Variants in ANK3 observed in about 807,000 individuals in gnomAD.
The protein encoded by ANK3 is ankyrin 3.
ANK3 carries 57 observed loss-of-function variants against 370.9 expected under a neutral mutation model. The observed-to-expected ratio is 0.15, with a 90% CI of 0.12 to 0.19. The LOEUF (loss-of-function observed/expected upper bound fraction) is 0.19, where lower values mean the gene tolerates loss of function less well. Ranked by LOEUF, ANK3 falls within the 10% of genes least tolerant of loss-of-function variation. ANK3 has a pLI of 1.00. For missense variants in ANK3, 4,439 were observed against 5,302.1 expected (o/e 0.84, Z 5.06); for synonymous variants, 1,929 against 1,946.3 (o/e 0.99, Z 0.23).
chr10:60,677,687 G>C (rs1044336737), intron 1 of ANK3, among the ~76,000 whole-genome samples: 2 of 150,336 alleles, frequency 1.3e-5, no homozygotes, highest in Non-Finnish European at 1.5e-5. Context: ...TTTCATTGAA[G>C]CATTAAGTTT....
intron 43 of ANK3, among the ~76,000 whole-genome samples, chr10:60,034,152 G>A (rs1254963567): frequency 8.1e-6 from 1 of 123,406 alleles, no homozygotes; most frequent in Non-Finnish European, 1.6e-5. Context: ...TGTCGCCCAT[G>A]CTGGAATGCA....
At chr10:60,053,376 C>T (rs1349373774) in intron 42 of ANK3, among the ~76,000 whole-genome samples, 2 of 152,124 alleles carry the variant, frequency 1.3e-5, no homozygotes, top group African/African-American at 2.4e-5. Context: ...TATGTTAAAG[C>T]AAACACAAAC....
chr10:60,532,526 C>T (rs1484319088), intron 2 of ANK3, among the ~76,000 whole-genome samples: 2 of 152,132 alleles, frequency 1.3e-5, no homozygotes, highest in African/African-American at 2.4e-5. Flanking sequence ...TGCATTCCAA[C>T]ATGATACACT....
chr10:60,114,600 A>G (rs2092954100), intron 25 of ANK3, among the ~76,000 whole-genome samples: 1 of 152,228 alleles, frequency 6.6e-6, no homozygotes, highest in African/African-American at 2.4e-5. Flanking sequence ...ACTAACTCCA[A>G]CTATGATTTT....
At chr10:60,682,568 G>A (rs1347269148) in intron 1 of ANK3, among the ~76,000 whole-genome samples, 19 of 152,076 alleles carry the variant, frequency 1.2e-4, no homozygotes, top group Admixed American at 1.2e-3. Context: ...ACTGCCCCAA[G>A]GAAGGACTCC....
At chr10:60,526,781 G>A (rs1280857908) in intron 2 of ANK3, among the ~76,000 whole-genome samples, 2 of 152,114 alleles carry the variant, frequency 1.3e-5, no homozygotes, top group African/African-American at 4.8e-5. Flanking sequence ...AGGTTGATAA[G>A]AGCCCAGGCT....
intron 1 of ANK3, among the ~76,000 whole-genome samples, chr10:60,685,364 C>T (rs2079254023): frequency 6.6e-6 from 1 of 151,652 alleles, no homozygotes; most frequent in Non-Finnish European, 1.5e-5. Context: ...AGAAATTTGA[C>T]CTGAAGTTAG....
intron 2 of ANK3, among the ~76,000 whole-genome samples, chr10:60,491,434 T>C (rs1244373308): frequency 6.6e-6 from 1 of 152,204 alleles, no homozygotes; most frequent in Non-Finnish European, 1.5e-5. Context: ...ATGCAAATCA[T>C]AATAACATTT....
chr10:60,705,690 G>T (rs1309966172), intron 1 of ANK3, among the ~76,000 whole-genome samples: 1 of 151,844 alleles, frequency 6.6e-6, no homozygotes, highest in African/African-American at 2.4e-5. Flanking sequence ...CAAGCAAGCA[G>T]CATCTATCTG....
At chr10:60,374,996 A>G (rs1387999891) in intron 1 of ANK3, among the ~76,000 whole-genome samples, 2 of 152,168 alleles carry the variant, frequency 1.3e-5, no homozygotes, top group Non-Finnish European at 2.9e-5. Context: ...GGGAAGAGAA[A>G]CAAAAGAAAG....
At chr10:60,501,427 G>A (rs373832848) in intron 2 of ANK3, among the ~76,000 whole-genome samples, 4 of 152,102 alleles carry the variant, frequency 2.6e-5, no homozygotes, top group Admixed American at 6.5e-5. Context: ...AAACTTGGCC[G>A]GGTGCAGCGG....
At chr10:60,303,124 A>T (rs541806485) in intron 1 of ANK3, among the ~76,000 whole-genome samples, 2 of 152,330 alleles carry the variant, frequency 1.3e-5, no homozygotes, top group Non-Finnish European at 2.9e-5. Context: ...ACACAAGGCA[A>T]AAGTTCTCAT....
intron 23 of ANK3, among the ~76,000 whole-genome samples, chr10:60,141,801 A>G (rs760901715): frequency 2.0e-5 from 3 of 152,110 alleles, no homozygotes; most frequent in Non-Finnish European, 4.4e-5. Flanking sequence ...AGATGAATGG[A>G]TAAATGCATG....
intron 43 of ANK3, among the ~76,000 whole-genome samples, chr10:60,032,453 C>T (rs2073905177): frequency 6.6e-6 from 1 of 151,970 alleles, no homozygotes; most frequent in African/African-American, 2.4e-5. Flanking sequence ...AGTGATCCAC[C>T]TGCCTCGGCC....
At chr10:60,698,689 G>C (rs1467721357) in intron 1 of ANK3, among the ~76,000 whole-genome samples, 1 of 138,160 alleles carries the variant, frequency 7.2e-6, no homozygotes, top group African/African-American at 2.7e-5. Context: ...ACTCATAGGT[G>C]GGAATTGAAC....
Position 60,172,298 on chromosome 10 carries a change from C to G in ANK3, c.2478+10G>C, listed in dbSNP as rs1240593540. 6.2e-7 allele frequency: 1 copy of G among 1,609,834 alleles called. No homozygotes were observed. The highest frequency in any genetic ancestry group is 1.7e-5 in the Admixed American group (1 of 59,970). On this transcript the variant is annotated intron_variant, in intron 21 of 43. Coordinates refer to ENST00000280772, the MANE Select transcript of ANK3 (RefSeq NM_020987.5). ...TCCTAGGGTAACAAGGTTCTGCATT[C>G]CTTACTTACAGTTGTGGTCATGGTC...
chr10:60,355,745 C>G (rs10821741), intron 1 of ANK3, among the ~76,000 whole-genome samples: 57,856 of 151,998 alleles, frequency 0.38, 11,902 homozygotes, highest in Middle Eastern at 0.52. Flanking sequence ...TCCCTCCAGG[C>G]TCCTTTTCTT....
At chr10:60,444,463 T>TATAA (rs1403747876) in intron 2 of ANK3, among the ~76,000 whole-genome samples, 9 of 150,824 alleles carry the variant, frequency 6.0e-5, no homozygotes, top group African/African-American at 2.2e-4. Context: ...TATATATATA[T>TATAA]AAAGACTAAT....
chr10:60,172,218 A>C (rs2095811252), intron 21 of ANK3, 90 bp downstream of exon 21: 2 of 999,274 alleles, frequency 2.0e-6, no homozygotes, highest in Admixed American at 3.9e-5. Context: ...TTAGTTTATG[A>C]ATGGGAAAAA....
Sources: allele counts gnomAD v4.1 joint callset (sites outside exome capture counted in the v4.1 genomes callset), GRCh38; gene constraint gnomAD v4.1.1; transcripts MANE v1.5; gene names NCBI Gene and HGNC (gene_info 2026-07-23, HGNC 2026-07-21).